The following ANK2 variants were observed in gnomAD, a reference collection of about 807,000 sequenced individuals.
The protein encoded by ANK2 is ankyrin-2.
ANK2 carries 83 observed loss-of-function variants against 360.5 expected under a neutral mutation model. The observed-to-expected ratio is 0.23, with a 90% CI of 0.19 to 0.28. The LOEUF is 0.28. Among genes scored for constraint, ANK2 ranks in the 10% least tolerant of loss-of-function variants. The pLI is 1.00. For synonymous variants in ANK2, 1,740 were observed against 1,759.5 expected, an observed-to-expected ratio of 0.99 and a Z score of 0.28; for missense variants, 4,201 against 4,795.7, an observed-to-expected ratio of 0.88 and a Z score of 3.66.
chr4:113,143,568 A>G (rs763785918), intron 1 of ANK2, among the ~76,000 whole-genome samples: 1 of 152,260 alleles, frequency 6.6e-6, no homozygotes, highest in Non-Finnish European at 1.5e-5. Flanking sequence ...TTTTTAAAAT[A>G]GTACACTAAT....
At chr4:113,062,927 T>C (rs929444438) in intron 1 of ANK2, among the ~76,000 whole-genome samples, 2 of 152,130 alleles carry the variant, frequency 1.3e-5, no homozygotes, top group African/African-American at 4.8e-5. Flanking sequence ...GGGCCTATCA[T>C]GATGACAAGG....
At position 112,933,992 on chromosome 4, in the gene ANK2, T is replaced by C. The variant is rs138738658; in HGVS notation, c.21+29478T>C. On this transcript the variant is annotated intron_variant, in intron 2 of 30. Coordinates refer to the ANK2 transcript ENST00000503271. Reference sequence around the variant, plus strand: ...GGGTGACCATCTGGAAATGACGTCATGTGAGAATGGTTAAAGATGCTCGGG... The same window carrying C: ...GGGTGACCATCTGGAAATGACGTCACGTGAGAATGGTTAAAGATGCTCGGG... 4.2e-3 allele frequency among the ~76,000 whole-genome samples: 643 copies of C among 151,960 alleles called. 5 individuals are homozygous for C. Among genetic ancestry groups the C allele is most frequent in the African/African-American group, 0.014 (566 of 41,442 alleles).
At chr4:113,319,733 T>C (rs1022412870) in intron 26 of ANK2, among the ~76,000 whole-genome samples, 4 of 152,144 alleles carry the variant, frequency 2.6e-5, no homozygotes, top group Non-Finnish European at 5.9e-5. Context: ...AATGCGACAG[T>C]TATTCATGAG....
At chr4:112,909,975 G>T (rs1340158415) in intron 2 of ANK2, among the ~76,000 whole-genome samples, 2 of 151,952 alleles carry the variant, frequency 1.3e-5, no homozygotes, top group South Asian at 2.1e-4. Context: ...ATTAATTAAG[G>T]TTACAACAGT....
chr4:113,253,944 C>G (rs1415286208), intron 10 of ANK2, among the ~76,000 whole-genome samples: 1 of 152,200 alleles, frequency 6.6e-6, no homozygotes, highest in East Asian at 1.9e-4. Flanking sequence ...CCTCCTCAAT[C>G]ACTTGCCTTA....
rs1029439148 is a variant in ANK2, at chr4:113,358,245, C to T, written c.9627C>T (p.Ser3209=). 12 of 1,614,068 alleles carry T rather than the reference C, an allele frequency of 7.4e-6. No individual in the cohort carries two copies. The highest frequency in any genetic ancestry group is 1.7e-5 in the Admixed American group (1 of 60,006). Residue 3209 remains serine, a synonymous_variant, in exon 38 of 46, where the codon TCC becomes TCT. Coordinates refer to ENST00000357077, the MANE Select transcript of ANK2 (RefSeq NM_001148.6). ...ACTCCCAAATGGGGATTTCAGCCTCCACTGAAACACCTACAAAAGAAGCTG... is the reference window on the plus strand; with the variant it reads ...ACTCCCAAATGGGGATTTCAGCCTCTACTGAAACACCTACAAAAGAAGCTG... The part of the protein sequence containing the change: ...QLNSQMGISA[S]TETPTKEAVS...
chr4:112,994,651 G>A (rs1370258641), intron 2 of ANK2, among the ~76,000 whole-genome samples: 3 of 152,132 alleles, frequency 2.0e-5, no homozygotes, highest in Non-Finnish European at 4.4e-5. Flanking sequence ...GTGCAATCTT[G>A]TTACATGGGT....
intron 1 of ANK2, among the ~76,000 whole-genome samples, chr4:113,074,239 C>T (rs2078982153): frequency 6.6e-6 from 1 of 152,144 alleles, no homozygotes; most frequent in African/African-American, 2.4e-5. Context: ...TAATTGCTTA[C>T]TGTGTTCAAG....
intron 2 of ANK2, among the ~76,000 whole-genome samples, chr4:113,036,228 A>G (rs1330341308): frequency 6.6e-6 from 1 of 150,850 alleles, no homozygotes; most frequent in East Asian, 2.0e-4. Flanking sequence ...ATGTAGCTTC[A>G]TAGATTCAAG....
intron 25 of ANK2, among the ~76,000 whole-genome samples, 195 bp downstream of exon 25, chr4:113,318,004 T>C (rs2083852679): frequency 6.6e-6 from 1 of 152,230 alleles, no homozygotes. Flanking sequence ...GAGCAGTGTT[T>C]TTCTGAAAAA....
intron 1 of ANK2, among the ~76,000 whole-genome samples, chr4:112,831,979 C>T (rs1278717509): frequency 9.2e-5 from 14 of 152,274 alleles, no homozygotes; most frequent in Admixed American, 1.3e-4. Context: ...AAACTCCAGA[C>T]GCACCATCTT....
intron 31 of ANK2, among the ~76,000 whole-genome samples, chr4:113,338,383 T>C (rs1044237222): frequency 2.0e-5 from 3 of 152,186 alleles, no homozygotes; most frequent in African/African-American, 2.4e-5. Context: ...CATCCTTTGA[T>C]ATTCATTTAT....
At chr4:113,288,595 T>C in intron 20 of ANK2, 109 bp downstream of exon 20, 1 of 923,832 alleles carries the variant, frequency 1.1e-6, no homozygotes, top group East Asian at 2.6e-5. Context: ...TCCTTTTTAG[T>C]TCTAAAGTGA....
At chr4:113,256,896 A>G (rs29426) in intron 11 of ANK2, among the ~76,000 whole-genome samples, 6,088 of 152,346 alleles carry the variant, frequency 0.04, 152 homozygotes, top group East Asian at 0.067. Context: ...CTAGGGAGTC[A>G]AAAACATTAA....
At chr4:113,278,365 T>C in intron 16 of ANK2, 95 bp from the exon 17 acceptor site, 1 of 993,388 alleles carries the variant, frequency 1.0e-6, no homozygotes, top group East Asian at 2.4e-5. Context: ...TTCATTAACA[T>C]GAATTTAATC....
chr4:112,763,884 T>C, the ANK2 span, among the ~76,000 whole-genome samples: 1 of 152,128 alleles, frequency 6.6e-6, no homozygotes, highest in East Asian at 1.9e-4. Context: ...TATCTCTCCT[T>C]GGATCTCTCA....
intron 1 of ANK2, among the ~76,000 whole-genome samples, chr4:112,831,662 C>G (rs527581408): frequency 6.6e-6 from 1 of 152,156 alleles, no homozygotes; most frequent in African/African-American, 2.4e-5. Context: ...AGCCAGCACT[C>G]CTCGGGTCCT....
chr4:112,931,415 C>CA (rs1341610498), intron 2 of ANK2, among the ~76,000 whole-genome samples: 1 of 143,824 alleles, frequency 7.0e-6, no homozygotes, highest in Admixed American at 6.9e-5. Flanking sequence ...ACGTACCTTT[C>CA]AAAGATTTCT....
At chr4:112,902,986 C>T (rs993251594) in intron 1 of ANK2, among the ~76,000 whole-genome samples, 1 of 152,188 alleles carries the variant, frequency 6.6e-6, no homozygotes, top group African/African-American at 2.4e-5. Context: ...AATGACACTT[C>T]CTTGACTCCA....
Sources: gnomAD v4.1 joint callset for allele counts (sites outside exome capture counted in the v4.1 genomes callset) on GRCh38, gnomAD v4.1.1 for gene constraint, MANE v1.5 for transcripts, NCBI Gene and HGNC (gene_info 2026-07-23, HGNC 2026-07-21) for gene names.